ZNF883: variants seen among roughly 807,000 people sequenced by gnomAD.
The protein encoded by ZNF883 is zinc finger protein 883.
At chr9:112,997,761 G>T in exon 1 of ZNF883, 1 of 1,613,876 alleles carries the variant, frequency 6.2e-7, no homozygotes, top group Non-Finnish European at 8.5e-7. Flanking sequence ...TCAATTAGGT[G>T]TGTGCTGCGG....
chr9:112,994,656 C>G (rs1289361726), downstream of ZNF883, among the ~76,000 whole-genome samples: 1 of 151,936 alleles, frequency 6.6e-6, no homozygotes, highest in Non-Finnish European at 1.5e-5. Flanking sequence ...ATTCCCTAAT[C>G]ACATCTTGGA....
intron 1 of ZNF883, among the ~76,000 whole-genome samples, chr9:112,991,245 T>C (rs912203452): frequency 6.6e-6 from 1 of 152,204 alleles, no homozygotes; most frequent in Non-Finnish European, 1.5e-5. Flanking sequence ...AATTTTCCTT[T>C]TAACATTGCT....
At chr9:112,998,530 G>T, upstream of ZNF883, 1 of 277,164 alleles carries the variant, frequency 3.6e-6, no homozygotes, top group Admixed American at 5.0e-5. Context: ...GTTATCCATG[G>T]GAAACTGTGG....
At chr9:112,997,229 GTATGTATTCGCT>G (rs745480758) in exon 1 of ZNF883, 1 of 1,613,996 alleles carries the variant, frequency 6.2e-7, no homozygotes, top group South Asian at 1.1e-5. Flanking sequence ...TCTCTCCCTT[GTATGTATTCGCT>G]TATGTTTAGT....
At chr9:112,998,365 A>G (rs1828387412), upstream of ZNF883, 5 of 885,318 alleles carry the variant, frequency 5.6e-6, no homozygotes, top group Non-Finnish European at 7.9e-6. Context: ...TTTGAGATAC[A>G]AATGCATCCT....
chr9:113,005,876 T>C lies in ZNF883; in HGVS notation n.166-3803A>G, dbSNP rs555010254. On this transcript the variant is annotated intron_variant and non_coding_transcript_variant, in intron 2 of 4. Transcript: ENST00000638622. ...TGGTATTCACTATGCATCCAGTAAA[T>C]ATTACTTGAATGAGTGCATGAACAG... 1.4e-4 allele frequency among the ~76,000 whole-genome samples: 21 copies of C among 152,246 alleles called. No individual in the cohort carries two copies. In the South Asian group the frequency reaches 4.4e-3, roughly 32 times the overall value.
chr9:113,009,935 T>C (rs1378390869), intron 2 of ZNF883, among the ~76,000 whole-genome samples: 1 of 152,254 alleles, frequency 6.6e-6, no homozygotes, highest in Non-Finnish European at 1.5e-5. Context: ...TTCATCACTA[T>C]GAATGATGTT....
At chr9:112,994,723 A>C (rs2118603259), downstream of ZNF883, among the ~76,000 whole-genome samples, 1 of 151,470 alleles carries the variant, frequency 6.6e-6, no homozygotes, top group South Asian at 2.1e-4. Context: ...ACTTCTTTCT[A>C]CTATCTTTTC....
At chr9:112,996,143 C>T (rs1828351882), downstream of ZNF883, among the ~76,000 whole-genome samples, 1 of 151,880 alleles carries the variant, frequency 6.6e-6, no homozygotes, top group African/African-American at 2.4e-5. Context: ...ATTTCTAAAT[C>T]ATGTTGGGGT....
At chr9:113,003,832 CAAGAGA>C in intron 2 of ZNF883, among the ~76,000 whole-genome samples, 1 of 152,284 alleles carries the variant, frequency 6.6e-6, no homozygotes, top group Middle Eastern at 3.4e-3. Context: ...CTCAGCAGTT[CAAGAGA>C]ATCAACTGAA....
At chr9:113,008,207 T>C (rs6477980) in intron 2 of ZNF883, among the ~76,000 whole-genome samples, 71,666 of 152,072 alleles carry the variant, frequency 0.47, 18,598 homozygotes, top group East Asian at 0.81. Flanking sequence ...TAAAGCATAT[T>C]CTCTTTAATT....
downstream of ZNF883, among the ~76,000 whole-genome samples, chr9:112,993,789 G>A (rs1383102717): frequency 1.3e-5 from 2 of 152,252 alleles, no homozygotes; most frequent in African/African-American, 4.8e-5. Flanking sequence ...ACCCAGTGAG[G>A]AGGATTGATC....
intron 2 of ZNF883, among the ~76,000 whole-genome samples, chr9:113,007,476 T>G (rs1416655772): frequency 6.6e-6 from 1 of 152,182 alleles, no homozygotes; most frequent in East Asian, 1.9e-4. Context: ...ACAGTTGTTA[T>G]TTAAAAACCC....
intron 1 of ZNF883, among the ~76,000 whole-genome samples, chr9:112,990,092 T>C (rs906685122): frequency 3.3e-5 from 5 of 152,324 alleles, no homozygotes; most frequent in Admixed American, 6.5e-5. Flanking sequence ...CTCTTCCTAT[T>C]TGAATACCCT....
chr9:112,994,998 T>C (rs570078977), downstream of ZNF883, among the ~76,000 whole-genome samples: 52 of 152,372 alleles, frequency 3.4e-4, no homozygotes, highest in African/African-American at 1.1e-3. Flanking sequence ...TGTAGGTTTA[T>C]AGTAAATAGC....
chr9:113,004,330 A>AC (rs1301412871), intron 2 of ZNF883, among the ~76,000 whole-genome samples: 2 of 152,232 alleles, frequency 1.3e-5, no homozygotes, highest in East Asian at 3.8e-4. Flanking sequence ...AATTTGTGGC[A>AC]CATTGCTAGG....
At chr9:112,990,024 A>G (rs963730069) in intron 1 of ZNF883, among the ~76,000 whole-genome samples, 1 of 152,184 alleles carries the variant, frequency 6.6e-6, no homozygotes, top group Admixed American at 6.5e-5. Flanking sequence ...GGCTGAGACA[A>G]TGGAGTTTTC....
At chr9:113,004,926 A>G (rs1298123914) in intron 2 of ZNF883, among the ~76,000 whole-genome samples, 1 of 151,956 alleles carries the variant, frequency 6.6e-6, no homozygotes, top group East Asian at 1.9e-4. Context: ...GGGATTTAAT[A>G]TATGATAAAG....
At chr9:112,997,938 G>A in exon 1 of ZNF883, 1 of 1,613,824 alleles carries the variant, frequency 6.2e-7, no homozygotes, top group Non-Finnish European at 8.5e-7. Context: ...GATGACCTAT[G>A]ACTAAAGGTT....
Sources: allele counts gnomAD v4.1 joint callset (sites outside exome capture counted in the v4.1 genomes callset), GRCh38; gene constraint gnomAD v4.1.1; transcripts MANE v1.5; gene names NCBI Gene and HGNC (gene_info 2026-07-23, HGNC 2026-07-21).